Variants in PLA2R1 observed in about 807,000 individuals in gnomAD.
The protein encoded by PLA2R1 is secretory phospholipase A2 receptor.
A neutral mutation model predicts 195.9 loss-of-function variants in PLA2R1; 158 were observed. That is an observed-to-expected ratio of 0.81 (90% CI 0.71 to 0.92). The LOEUF (loss-of-function observed/expected upper bound fraction) is 0.92, where lower values mean the gene tolerates loss of function less well. PLA2R1 is among the 40% of genes least tolerant of loss of function. The pLI is 0.00. For missense variants in PLA2R1, 1,626 were observed against 1,764.6 expected (o/e 0.92, Z 1.41); for synonymous variants, 586 against 598.2 (o/e 0.98, Z 0.30).
chr2:159,996,010 A>G (rs1050731878), intron 11 of PLA2R1, among the ~76,000 whole-genome samples: 4 of 152,056 alleles, frequency 2.6e-5, no homozygotes, highest in African/African-American at 9.7e-5. Flanking sequence ...CTATCTATCT[A>G]TCTCACCTAT....
intron 20 of PLA2R1, among the ~76,000 whole-genome samples, chr2:159,961,389 G>C (rs1046627453): frequency 6.6e-6 from 1 of 151,996 alleles, no homozygotes; most frequent in Non-Finnish European, 1.5e-5. Flanking sequence ...ATAACTGAGG[G>C]AGCTTTAAAA....
intron 22 of PLA2R1, 105 bp from the exon 23 acceptor site, chr2:159,955,451 C>T (rs1688022881): frequency 2.9e-6 from 2 of 699,470 alleles, no homozygotes; most frequent in Non-Finnish European, 4.6e-6. Context: ...ACCATTATTC[C>T]TTTATTCGCA....
rs1692494747 is a variant in PLA2R1 at position 160,013,382 on chromosome 2, A to G, written c.1552-7T>C. On this transcript the variant is annotated splice_region_variant and splice_polypyrimidine_tract_variant and intron_variant, in intron 9 of 29. Coordinates refer to ENST00000283243, the MANE Select transcript of PLA2R1 (RefSeq NM_007366.5). ...CACCATGTCTCTCCCATCCCTTAAAAAGAATAAAAGGGAAATTAAGGACAC... is the reference window on the plus strand; with the variant it reads ...CACCATGTCTCTCCCATCCCTTAAAGAGAATAAAAGGGAAATTAAGGACAC... 2 of 1,504,156 alleles carry G rather than the reference A, an allele frequency of 1.3e-6. No individual in the cohort carries two copies. Among genetic ancestry groups the G allele is most frequent in the South Asian group, 1.1e-5 (1 of 87,818 alleles). 93.2% of individuals were successfully genotyped at this position (1,504,156 alleles called of 1,614,324 possible).
chr2:160,008,920 C>T (rs188528560), intron 10 of PLA2R1, among the ~76,000 whole-genome samples: 60 of 152,228 alleles, frequency 3.9e-4, no homozygotes, highest in African/African-American at 1.4e-3. Context: ...AAAGAAGATA[C>T]ACAGATAGCC....
At chr2:159,927,607 G>T (rs1006012614), downstream of PLA2R1, among the ~76,000 whole-genome samples, 1 of 152,132 alleles carries the variant, frequency 6.6e-6, no homozygotes, top group African/African-American at 2.4e-5. Context: ...TCTCCTTGGG[G>T]TTTCTTTCCT....
At chr2:160,055,966 C>A (rs1024578996) in intron 1 of PLA2R1, among the ~76,000 whole-genome samples, 1 of 152,082 alleles carries the variant, frequency 6.6e-6, no homozygotes, top group African/African-American at 2.4e-5. Context: ...GCAGCTACCC[C>A]CCTTCCTCGC....
chr2:159,950,864 C>A (rs560798226), intron 24 of PLA2R1, among the ~76,000 whole-genome samples: 2 of 152,180 alleles, frequency 1.3e-5, no homozygotes, highest in East Asian at 3.9e-4. Context: ...ATGAAAATAA[C>A]GTATTCTCTA....
chr2:160,011,460 CA>C (rs200504223), intron 10 of PLA2R1, among the ~76,000 whole-genome samples: 9 of 151,888 alleles, frequency 5.9e-5, no homozygotes, highest in African/African-American at 9.7e-5. Context: ...AACAGGTATT[CA>C]AAAAAAATTT....
chr2:159,969,578 T>C (rs1288593194), intron 18 of PLA2R1, among the ~76,000 whole-genome samples: 2 of 152,194 alleles, frequency 1.3e-5, no homozygotes, highest in African/African-American at 4.8e-5. Flanking sequence ...AGTCTCTCTC[T>C]GTCACCCAGG....
chr2:160,037,250 T>C (rs969266874), intron 3 of PLA2R1, among the ~76,000 whole-genome samples: 9 of 152,218 alleles, frequency 5.9e-5, no homozygotes, highest in Admixed American at 1.3e-4. Context: ...TCCTTAAATA[T>C]ATATTTTTAA....
chr2:159,932,961 C>A lies in PLA2R1; in HGVS notation c.*8817G>T, dbSNP rs550189695. Reference sequence around the variant, plus strand: ...AAAAATCAATTTCCATTAATAGAAGCACAGGAAACAAGTTGAAAATAGCAT... The same window carrying A: ...AAAAATCAATTTCCATTAATAGAAGAACAGGAAACAAGTTGAAAATAGCAT... On this transcript the variant is annotated 3_prime_UTR_variant, in exon 30 of 30. Transcript: ENST00000283243. The A allele has an allele frequency of 1.3e-5, 2 of 148,440 alleles. No individual in the cohort carries two copies. Among genetic ancestry groups the A allele is most frequent in the African/African-American group, 4.9e-5 (2 of 40,668 alleles). 9.2% of individuals were successfully genotyped at this position (148,440 alleles called of 1,614,324 possible).
chr2:160,026,157 A>T (rs1198462415), intron 6 of PLA2R1, among the ~76,000 whole-genome samples: 1 of 152,226 alleles, frequency 6.6e-6, no homozygotes, highest in Admixed American at 6.5e-5. Context: ...ATTTTATTTT[A>T]AAAAATAGTA....
downstream of PLA2R1, among the ~76,000 whole-genome samples, chr2:159,930,137 G>A (rs1441772107): frequency 2.6e-5 from 4 of 152,170 alleles, no homozygotes; most frequent in African/African-American, 9.7e-5. Context: ...GGCCAGGCGC[G>A]GTGGCTCACG....
At chr2:160,005,383 C>T (rs962970255) in intron 11 of PLA2R1, among the ~76,000 whole-genome samples, 2 of 152,020 alleles carry the variant, frequency 1.3e-5, no homozygotes, top group Non-Finnish European at 2.9e-5. Context: ...TGCAGTGAAC[C>T]GAGATTGCAC....
intron 3 of PLA2R1, among the ~76,000 whole-genome samples, chr2:160,038,485 C>T (rs914822212): frequency 5.3e-5 from 8 of 152,176 alleles, no homozygotes; most frequent in African/African-American, 1.4e-4. Flanking sequence ...TTGGATGGGG[C>T]GCTCCAGAGC....
chr2:159,927,760 C>T (rs542945135), downstream of PLA2R1, among the ~76,000 whole-genome samples: 6 of 152,304 alleles, frequency 3.9e-5, no homozygotes, highest in African/African-American at 1.2e-4. Context: ...CCCTGGTCTA[C>T]GATGACCCAC....
chr2:159,942,293 C>T (rs1386222415), intron 28 of PLA2R1, 134 bp from the exon 29 acceptor site: 1 of 656,902 alleles, frequency 1.5e-6, no homozygotes, highest in Admixed American at 2.8e-5. Context: ...GGAACTTAGC[C>T]ACACTCATTC....
rs1560176144 is a variant in PLA2R1, at chr2:159,984,042, C to T, written c.2069G>A (p.Arg690Lys). The T allele has an allele frequency of 3.2e-6, 5 of 1,580,134 alleles. 1 individual carries two copies. In the Middle Eastern group the frequency reaches 6.7e-4, roughly 211 times the overall value. Residue 690 changes from arginine (R) to lysine (K), a missense_variant, in exon 13 of 30, where the codon AGA becomes AAA. Physicochemically the swap from Arg to Lys is conservative, Grantham distance 26 (BLOSUM62 2). Transcript: ENST00000283243. ...AAATGCTTCAGCTTCTCTCCATGTT[C>T]TTTTCATCAGAACTTTTTCACTATG... The part of the protein sequence containing the change: ...VFHSEKVLMK[R>K]TWREAEAFCE...
intron 20 of PLA2R1, among the ~76,000 whole-genome samples, chr2:159,961,574 A>T (rs1300912227): frequency 6.6e-6 from 1 of 152,172 alleles, no homozygotes; most frequent in Non-Finnish European, 1.5e-5. Flanking sequence ...TCTGAGCTAC[A>T]TGAGGGTGTT....
Sources: allele counts gnomAD v4.1 joint callset (sites outside exome capture counted in the v4.1 genomes callset), GRCh38; gene constraint gnomAD v4.1.1; transcripts MANE v1.5; gene names NCBI Gene and HGNC (gene_info 2026-07-23, HGNC 2026-07-21).